The following C1orf87 variants were observed in gnomAD, a reference collection of about 807,000 sequenced individuals.
C1orf87 encodes the protein uncharacterized protein C1orf87.
A neutral mutation model predicts 60.5 loss-of-function variants in C1orf87; 58 were observed. The observed-to-expected ratio is 0.96, with a 90% confidence interval of 0.78 to 1.19. C1orf87 has a LOEUF of 1.19. C1orf87 is among the 50% of genes most tolerant of loss of function. The pLI is 0.00. For missense variants in C1orf87, 673 were observed against 638.6 expected (o/e 1.05, Z -0.58); for synonymous variants, 236 against 227.4 (o/e 1.04, Z -0.34).
At chr1:59,992,216 G>T (rs1644928636) in intron 11 of C1orf87, among the ~76,000 whole-genome samples, 1 of 148,212 alleles carries the variant, frequency 6.7e-6, no homozygotes, top group African/African-American at 2.5e-5. Context: ...ATTGCTTCAA[G>T]TAGGGGTCTA....
At chr1:59,994,525 T>C in intron 11 of C1orf87, among the ~76,000 whole-genome samples, 1 of 152,236 alleles carries the variant, frequency 6.6e-6, no homozygotes, top group East Asian at 1.9e-4. Context: ...AGGCTCTCAT[T>C]GCATTCTCCC....
chr1:60,037,355 G>A (rs558144193), intron 6 of C1orf87, among the ~76,000 whole-genome samples: 1 of 152,206 alleles, frequency 6.6e-6, no homozygotes, highest in Admixed American at 6.5e-5. Context: ...ATTTTGGGCT[G>A]CTATAATAGA....
intron 2 of C1orf87, among the ~76,000 whole-genome samples, chr1:60,070,347 G>T (rs950870467): frequency 6.6e-6 from 1 of 151,890 alleles, no homozygotes; most frequent in African/African-American, 2.4e-5. Context: ...TTTCATTTTG[G>T]AGAAGCCTTT....
At chr1:60,001,915 G>T (rs1645008942) in intron 9 of C1orf87, among the ~76,000 whole-genome samples, 1 of 152,072 alleles carries the variant, frequency 6.6e-6, no homozygotes, top group South Asian at 2.1e-4. Flanking sequence ...GATTTCCACA[G>T]GATGCAGGAA....
chr1:60,067,084 G>T (rs114294434), intron 2 of C1orf87, among the ~76,000 whole-genome samples: 4,536 of 152,176 alleles, frequency 0.03, 111 homozygotes, highest in Non-Finnish European at 0.048. Context: ...ACTATTAATT[G>T]GCATTTGAGT....
Position 60,065,194 on chromosome 1 carries a change from G to A in C1orf87, c.107+7343C>T, listed in dbSNP as rs79938027. Among the ~76,000 whole-genome samples the A allele has an allele frequency of 2.7e-4, 41 of 149,956 alleles. No homozygotes were observed. The East Asian group carries it at 7.8e-3, about 29-fold the overall frequency. ...CCAGGCAGTCAACTTAAGTGCCATC[G>A]GTTTGTAACAGTAAATGAGAATGTC... is the stretch of plus-strand genomic sequence containing the variant. On this transcript the variant is annotated intron_variant, in intron 2 of 11. Transcript: ENST00000371201.
At chr1:60,050,099 T>G (rs1427051884) in intron 3 of C1orf87, among the ~76,000 whole-genome samples, 1 of 152,128 alleles carries the variant, frequency 6.6e-6, no homozygotes, top group African/African-American at 2.4e-5. Context: ...CATGCTTGTT[T>G]GTTATTCCAA....
intron 3 of C1orf87, 91 bp from the exon 4 acceptor site, chr1:60,041,222 C>T: frequency 1.7e-6 from 2 of 1,167,658 alleles, no homozygotes; most frequent in South Asian, 2.1e-5. Context: ...GTAAACCAAC[C>T]AATTTATTTA....
intron 2 of C1orf87, among the ~76,000 whole-genome samples, chr1:60,070,059 G>C (rs1276161309): frequency 6.6e-6 from 1 of 152,118 alleles, no homozygotes; most frequent in Non-Finnish European, 1.5e-5. Context: ...ACCTTCATAG[G>C]GATCACAGCT....
At chr1:60,007,589 C>T (rs1243052283) in intron 9 of C1orf87, among the ~76,000 whole-genome samples, 1 of 152,010 alleles carries the variant, frequency 6.6e-6, no homozygotes, top group Non-Finnish European at 1.5e-5. Context: ...GAGAGCTTTT[C>T]TCCCCCTTCT....
At chr1:59,991,768 A>C (rs1322487736) in intron 11 of C1orf87, among the ~76,000 whole-genome samples, 1 of 152,162 alleles carries the variant, frequency 6.6e-6, no homozygotes, top group Non-Finnish European at 1.5e-5. Context: ...TGCCAATACC[A>C]ATGTCAGTAT....
chr1:60,011,624 T>C (rs1645085671), intron 8 of C1orf87, among the ~76,000 whole-genome samples: 2 of 152,142 alleles, frequency 1.3e-5, no homozygotes, highest in South Asian at 4.1e-4. Context: ...TATCTTTATC[T>C]TTCTCCATCT....
intron 8 of C1orf87, among the ~76,000 whole-genome samples, chr1:60,021,783 A>G (rs1255216762): frequency 6.6e-6 from 1 of 152,204 alleles, no homozygotes; most frequent in Non-Finnish European, 1.5e-5. Flanking sequence ...TTAGAGGTTG[A>G]TAAGTGTATA....
At chr1:60,063,701 T>C (rs1645512586) in intron 2 of C1orf87, among the ~76,000 whole-genome samples, 2 of 152,280 alleles carry the variant, frequency 1.3e-5, no homozygotes, top group South Asian at 4.1e-4. Context: ...TTACTTTCTC[T>C]GTAGGTCTGT....
intron 2 of C1orf87, among the ~76,000 whole-genome samples, chr1:60,067,722 T>C (rs1645558021): frequency 6.6e-6 from 1 of 152,128 alleles, no homozygotes; most frequent in Non-Finnish European, 1.5e-5. Flanking sequence ...AGTTCTTTAA[T>C]TTAATTATAT....
At chr1:60,023,011 T>C (rs1033927807) in intron 8 of C1orf87, among the ~76,000 whole-genome samples, 40 of 152,164 alleles carry the variant, frequency 2.6e-4, no homozygotes, top group African/African-American at 9.7e-4. Flanking sequence ...TTTCTGGAAT[T>C]TTCCATTTAA....
chr1:59,992,710 C>G (rs545380541), intron 11 of C1orf87, among the ~76,000 whole-genome samples: 4 of 152,116 alleles, frequency 2.6e-5, no homozygotes, highest in African/African-American at 7.2e-5. Context: ...TTTAAGATAC[C>G]AAATATTACT....
chr1:60,064,658 AATAT>A (rs1334733308), intron 2 of C1orf87, among the ~76,000 whole-genome samples: 2 of 109,750 alleles, frequency 1.8e-5, no homozygotes, highest in Non-Finnish European at 3.4e-5. Flanking sequence ...TTATATATTA[AATAT>A]ATAATTATAT....
At position 60,040,137 on chromosome 1, in the gene C1orf87, A is replaced by G; in HGVS notation, c.527T>C (p.Phe176Ser). 6.2e-7 allele frequency: 1 copy of G among 1,614,012 alleles called. No homozygotes were observed. Among genetic ancestry groups the G allele is most frequent in the Non-Finnish European group, 8.5e-7 (1 of 1,179,998 alleles). ...TTCTCTTCTGACCAGGGCAAGAAGA[A>G]AAGCGTCTTCATTTGTTGTCCCACT... is the stretch of plus-strand genomic sequence containing the variant. Reference protein sequence around the residue: ...SPSGTTNEDAFLLALVRRELK... With the variant: ...SPSGTTNEDASLLALVRRELK... The change falls in exon 5 of 12, where the codon TTT becomes TCT. Residue 176 changes from phenylalanine (F) to serine (S), a missense_variant. Phe to Ser is a radical substitution (Grantham distance 155, BLOSUM62 -2). Transcript: ENST00000371201.
Sources: allele counts gnomAD v4.1 joint callset (sites outside exome capture counted in the v4.1 genomes callset), GRCh38; gene constraint gnomAD v4.1.1; transcripts MANE v1.5; gene names NCBI Gene and HGNC (gene_info 2026-07-23, HGNC 2026-07-21).